CAMKK1: variants seen among roughly 807,000 people sequenced by gnomAD.
The protein encoded by CAMKK1 is calcium/calmodulin-dependent protein kinase kinase 1.
In CAMKK1, 20 loss-of-function variants were observed where a neutral mutation model predicts 63.5. The observed-to-expected ratio is 0.32, with a 90% CI of 0.22 to 0.46. The LOEUF is 0.46. Among genes scored for constraint, CAMKK1 ranks in the 20% least tolerant of loss-of-function variants. The pLI, the probability that CAMKK1 is intolerant of heterozygous loss-of-function variation, is 1.00. For synonymous variants in CAMKK1, 253 were observed against 269.0 expected (o/e 0.94, Z 0.58); for missense variants, 588 against 658.1 (o/e 0.89, Z 1.17).
Position 3,885,596 on chromosome 17 carries a change from G to C in CAMKK1, c.92C>G (p.Ala31Gly). The change falls in exon 2 of 16, where the codon GCA becomes GGA. Residue 31 changes from alanine (A) to glycine (G), a missense_variant. By Grantham distance (60) the Ala-to-Gly change is moderately conservative (BLOSUM62 0). Transcript: ENST00000348335. ...AAIDVTHLEE[A>G]DGGPEPTRNG... ...TCTAGTAGGCTCTGGGCCACCATCT[G>C]CCTCCTCCAAGTGAGTCACATCGAT... is the stretch of plus-strand genomic sequence containing the variant. 6.2e-7 allele frequency: 1 copy of C among 1,614,108 alleles called. No homozygotes were observed. Among genetic ancestry groups the C allele is most frequent in the Non-Finnish European group, 8.5e-7 (1 of 1,180,032 alleles).
intron 14 of CAMKK1, among the ~76,000 whole-genome samples, chr17:3,868,034 C>T (rs1198429485): frequency 7.8e-6 from 1 of 128,292 alleles, no homozygotes; most frequent in Non-Finnish European, 1.6e-5. Flanking sequence ...CAGGCGCCGT[C>T]TAACTGATAC....
At chr17:3,869,918 TGG>T in intron 12 of CAMKK1, 30 bp from the exon 13 acceptor site, 1 of 1,579,464 alleles carries the variant, frequency 6.3e-7, no homozygotes, top group East Asian at 2.2e-5. Context: ...GAGAGGAGGG[TGG>T]GACCGCTGAT....
chr17:3,891,960 A>G (rs1476109456), intron 1 of CAMKK1, among the ~76,000 whole-genome samples: 1 of 151,996 alleles, frequency 6.6e-6, no homozygotes, highest in East Asian at 1.9e-4. Context: ...AGACCGAGGA[A>G]GAGGCGAAGG....
rs896159317 is a variant in CAMKK1, at chr17:3,884,198, C to A, written c.408+182G>T. Among the ~76,000 whole-genome samples the A allele has an allele frequency of 1.3e-5, 2 of 152,162 alleles. No homozygotes were observed. Among genetic ancestry groups the A allele is most frequent in the African/African-American group, 4.8e-5 (2 of 41,430 alleles). On this transcript the variant is annotated intron_variant, in intron 3 of 15. Transcript: ENST00000348335. The surrounding 1 kb of genome is among the most constrained non-coding windows in gnomAD (Gnocchi z 4.5). ...GTCAAGAACTCAGAGAGTCGGGAAT[C>A]AGGAGCCATCTTCCACCCTCCCCCT... is the stretch of plus-strand genomic sequence containing the variant.
At chr17:3,866,553 C>T (rs1291792894) in intron 14 of CAMKK1, among the ~76,000 whole-genome samples, 1 of 152,238 alleles carries the variant, frequency 6.6e-6, no homozygotes, top group African/African-American at 2.4e-5. Context: ...ACAGACACGC[C>T]GACTCACACG....
rs2054944096 is a variant in CAMKK1 at position 3,872,681 on chromosome 17, CAGGGGATCAACCCCCCT to C, written c.1051-71_1051-55del. 2.4e-5 allele frequency: 37 copies of C among 1,510,812 alleles called. No individual in the cohort carries two copies. The South Asian group carries it at 4.2e-4, about 17-fold the overall frequency. 93.6% of individuals were successfully genotyped at this position (1,510,812 alleles called of 1,614,324 possible). On this transcript the variant is annotated intron_variant, in intron 11 of 15. Coordinates refer to ENST00000348335, the MANE Select transcript of CAMKK1 (RefSeq NM_032294.3). ...GTGGGTCCAGGGCCTCGACCTGTGC[CAGGGGATCAACCCCCCT>C]CCCTTGGTGGGGGCAGGGGTAGGGG...
intron 12 of CAMKK1, 132 bp downstream of exon 12, chr17:3,872,422 C>G (rs190849236): frequency 5.6e-6 from 4 of 720,472 alleles, no homozygotes; most frequent in Non-Finnish European, 9.7e-6. Context: ...TCAGGGGTCC[C>G]TCCCAGGGAA....
Position 3,885,425 on chromosome 17 carries a change from G to A in CAMKK1, c.263C>T (p.Ala88Val). The A allele has an allele frequency of 6.2e-7, 1 of 1,612,602 alleles. No individual in the cohort carries two copies. Among genetic ancestry groups the A allele is most frequent in the East Asian group, 2.2e-5 (1 of 44,864 alleles). ...GGCAGGCCCCGTGGCATAAGGCCCAGCCTGCGCCTCCAGATAGCTTCCTGC... is the reference window on the plus strand; with the variant it reads ...GGCAGGCCCCGTGGCATAAGGCCCAACCTGCGCCTCCAGATAGCTTCCTGC... ...RPAGSYLEAQ[A>V]GPYATGPASH... The change falls in exon 2 of 16, where the codon GCT becomes GTT. Residue 88 changes from alanine (A) to valine (V), a missense_variant. By Grantham distance (64) the Ala-to-Val change is moderately conservative. This residue lies in a region of CAMKK1 where 357 missense variants were observed against 407.4 expected (regional missense o/e 0.88). Coordinates refer to ENST00000348335, the MANE Select transcript of CAMKK1 (RefSeq NM_032294.3).
chr17:3,883,987 G>C lies in CAMKK1; in HGVS notation c.409-50C>G, dbSNP rs1462499318. ...CACCTGGACAGGGCAACCCCTCCCA[G>C]GACCAGCTCAGGAGGTGGGGAGCCG... is the stretch of plus-strand genomic sequence containing the variant. On this transcript the variant is annotated intron_variant, in intron 3 of 15. Coordinates refer to ENST00000348335, the MANE Select transcript of CAMKK1 (RefSeq NM_032294.3). This position sits in a 1 kb window ranked among gnomAD's most constrained non-coding sequence, Gnocchi z 4.7. 1 of 1,588,624 alleles carries C rather than the reference G, an allele frequency of 6.3e-7. No individual in the cohort carries two copies. The highest frequency in any genetic ancestry group is 8.6e-7 in the Non-Finnish European group (1 of 1,159,936).
chr17:3,869,658 C>T, intron 13 of CAMKK1, 43 bp from the exon 14 acceptor site: 1 of 1,613,746 alleles, frequency 6.2e-7, no homozygotes, highest in Non-Finnish European at 8.5e-7. Flanking sequence ...GAGGTCAGGC[C>T]ATTACCAGAA....
At chr17:3,876,770 T>G (rs28631023) in intron 9 of CAMKK1, among the ~76,000 whole-genome samples, 1,951 of 111,250 alleles carry the variant, frequency 0.018, 14 homozygotes, top group African/African-American at 0.037. Flanking sequence ...TTTTTTTTTT[T>G]TTTTTGAGAC....
chr17:3,871,277 C>T (rs2054833386), intron 12 of CAMKK1, among the ~76,000 whole-genome samples: 1 of 150,014 alleles, frequency 6.7e-6, no homozygotes, highest in Non-Finnish European at 1.5e-5. Context: ...CAGAAGAGAG[C>T]AGGAGTCGCT....
chr17:3,863,721 T>A (rs113037739), intron 15 of CAMKK1, among the ~76,000 whole-genome samples: 1,539 of 151,484 alleles, frequency 0.01, 28 homozygotes, highest in African/African-American at 0.034. Context: ...ATTTTTTTTT[T>A]AAAAAGCTCT....
Position 3,866,019 on chromosome 17 carries a change from GGAC to G in CAMKK1, c.1342-11_1342-9del, listed in dbSNP as rs749667615. 1.9e-6 allele frequency: 3 copies of G among 1,613,502 alleles called. No individual in the cohort carries two copies. The highest frequency in any genetic ancestry group is 8.5e-7 in the Non-Finnish European group (1 of 1,179,820). ...CATGGACTTCACCAGGATCTGAGGA[GGAC>G]AAGGCAGCGTGAGGAGCACAGGTCC... is the stretch of plus-strand genomic sequence containing the variant. On this transcript the variant is annotated splice_polypyrimidine_tract_variant and intron_variant, in intron 14 of 15. Transcript: ENST00000348335.
intron 15 of CAMKK1, among the ~76,000 whole-genome samples, chr17:3,863,629 AC>A (rs1405139857): frequency 6.6e-6 from 1 of 152,142 alleles, no homozygotes; most frequent in Admixed American, 6.5e-5. Flanking sequence ...ATCACCTGGC[AC>A]TTTCGGAGGC....
rs1467416330 is a variant in CAMKK1 at position 3,869,571 on chromosome 17, CGAAG to C, written c.1253_1256del (p.Pro418ArgfsTer11). ...CCACCACGCTGCAGTGCTCCTCCTC[CGAAG>C]GAAGGGGCTCCTCCCCGTTCTTGGT... On this transcript the variant is annotated frameshift_variant, in exon 14 of 16. Transcript: ENST00000348335. LOFTEE classifies it high-confidence loss of function. The C allele has an allele frequency of 6.2e-7, 1 of 1,614,208 alleles. No homozygotes were observed. The highest frequency in any genetic ancestry group is 2.2e-5 in the East Asian group (1 of 44,878).
At chr17:3,874,998 T>C (rs903189526) in intron 10 of CAMKK1, among the ~76,000 whole-genome samples, 2 of 151,818 alleles carry the variant, frequency 1.3e-5, no homozygotes, top group Non-Finnish European at 2.9e-5. Context: ...GGTGGGCGCC[T>C]GTAGTCCCAG....
chr17:3,880,251 C>G, intron 9 of CAMKK1, 95 bp downstream of exon 9: 1 of 1,055,582 alleles, frequency 9.5e-7, no homozygotes. Context: ...TCAGCTCTGA[C>G]TGACGGGAGC....
At chr17:3,871,150 G>C (rs567281813) in intron 12 of CAMKK1, among the ~76,000 whole-genome samples, 7 of 152,172 alleles carry the variant, frequency 4.6e-5, no homozygotes, top group African/African-American at 1.7e-4. Context: ...AAGGTGGCTA[G>C]ATAAGTCTGG....
Sources: gnomAD v4.1 joint callset for allele counts (sites outside exome capture counted in the v4.1 genomes callset) on GRCh38, gnomAD v4.1.1 for gene constraint, gnomAD v4.1.1 regional missense constraint, Gnocchi (gnomAD v3.1) non-coding constraint, MANE v1.5 for transcripts, NCBI Gene and HGNC (gene_info 2026-07-23, HGNC 2026-07-21) for gene names.